TGFB3: variants seen among roughly 807,000 people sequenced by gnomAD.
TGFB3 encodes the protein transforming growth factor beta 3.
A neutral mutation model predicts 40.1 loss-of-function variants in TGFB3; 5 were observed. That is an observed-to-expected ratio of 0.12 (90% CI 0.07 to 0.26). The LOEUF is 0.26. TGFB3 is among the 10% of genes least tolerant of loss of function. The pLI is 1.00. For missense variants in TGFB3, 373 were observed against 530.1 expected, an observed-to-expected ratio of 0.70 and a Z score of 2.91; for synonymous variants, 184 against 205.6, an observed-to-expected ratio of 0.89 and a Z score of 0.90.
At chr14:75,965,824 G>A (rs2035214881) in intron 3 of TGFB3, 129 bp from the exon 4 acceptor site, 2 of 794,026 alleles carry the variant, frequency 2.5e-6, no homozygotes, top group South Asian at 2.8e-5. Context: ...TTCTATTGAG[G>A]GTCACAGGAG....
At chr14:75,965,534 C>A in intron 4 of TGFB3, 54 bp downstream of exon 4, 1 of 1,447,442 alleles carries the variant, frequency 6.9e-7, no homozygotes, top group South Asian at 1.1e-5. Flanking sequence ...ACTATCCTGT[C>A]CCATTAACTT....
In TGFB3 at chr14:75,971,763, G is replaced by A; in HGVS notation, c.353-45C>T. On this transcript the variant is annotated intron_variant, in intron 1 of 6. Transcript: ENST00000238682. The surrounding 1 kb of genome is among the most constrained non-coding windows in gnomAD (Gnocchi z 4.5). The stretch of plus-strand genomic sequence containing the variant: ...AGAGGGCACAGCATGAGCGAGACAT[G>A]CAGGAACAGTGTGCTGCCAACGGAC... 1.2e-6 allele frequency: 2 copies of A among 1,608,430 alleles called. No individual in the cohort carries two copies. The highest frequency in any genetic ancestry group is 1.7e-6 in the Non-Finnish European group (2 of 1,176,412).
Position 75,980,338 on chromosome 14 carries a change from C to T in TGFB3, c.352+204G>A, listed in dbSNP as rs1045517153. ...TCCAGGGCTCCTGGCCTCCCAGAAG[C>T]GCCGGCTCTTAACAGAATGGCTCTA... On this transcript the variant is annotated intron_variant, in intron 1 of 6. Transcript: ENST00000238682. The surrounding 1 kb of genome is among the most constrained non-coding windows in gnomAD (Gnocchi z 4.3). 3.3e-5 allele frequency among the ~76,000 whole-genome samples: 5 copies of T among 152,218 alleles called. No individual in the cohort carries two copies. Among genetic ancestry groups the T allele is most frequent in the African/African-American group, 4.8e-5 (2 of 41,462 alleles).
rs1476297797 is a variant in TGFB3, at chr14:75,971,992, C to T, written c.353-274G>A. Reference sequence around the variant, plus strand: ...TTGCCCCCTCCTCCCACTGCCTTGACATCTCAGTTCTGGTAAGTTTTCCAA... The same window carrying T: ...TTGCCCCCTCCTCCCACTGCCTTGATATCTCAGTTCTGGTAAGTTTTCCAA... On this transcript the variant is annotated intron_variant, in intron 1 of 6. Coordinates refer to ENST00000238682, the MANE Select transcript of TGFB3 (RefSeq NM_003239.5). This position sits in a 1 kb window ranked among gnomAD's most constrained non-coding sequence, Gnocchi z 4.5. Among the ~76,000 whole-genome samples the T allele has an allele frequency of 1.3e-5, 2 of 152,226 alleles. No homozygotes were observed. The highest frequency in any genetic ancestry group is 1.5e-5 in the Non-Finnish European group (1 of 68,034).
chr14:75,977,435 A>G (rs150059235), intron 1 of TGFB3, among the ~76,000 whole-genome samples: 7 of 152,296 alleles, frequency 4.6e-5, no homozygotes, highest in African/African-American at 1.7e-4. Flanking sequence ...ATACTCCCCA[A>G]TAGAGGCTCT....
intron 3 of TGFB3, among the ~76,000 whole-genome samples, chr14:75,967,228 A>T (rs2140241606): frequency 6.6e-6 from 1 of 152,250 alleles, no homozygotes; most frequent in Non-Finnish European, 1.5e-5. Flanking sequence ...TTCTTCCATA[A>T]ACTCCAGAGC....
At chr14:75,969,500 AAAATAAGAAAAGCTT>A (rs2035261356) in intron 3 of TGFB3, among the ~76,000 whole-genome samples, 1 of 152,248 alleles carries the variant, frequency 6.6e-6, no homozygotes, top group African/African-American at 2.4e-5. Flanking sequence ...TTCCTTATCT[AAAATAAGAAAAGCTT>A]ACTCTTGTAA....
At position 75,959,084 on chromosome 14, in the gene TGFB3, G is replaced by T; in HGVS notation, c.*103C>A. ...ATTTGCCCGGAGCCGAAGGTTGTGG[G>T]CTCCAGGCCTCTCAGTGAGGTTTGT... On this transcript the variant is annotated 3_prime_UTR_variant, in exon 7 of 7. Transcript: ENST00000238682. 6.8e-7 allele frequency: 1 copy of T among 1,476,524 alleles called. No individual in the cohort carries two copies. The highest frequency in any genetic ancestry group is 9.5e-7 in the Non-Finnish European group (1 of 1,057,544). 91.5% of individuals were successfully genotyped at this position (1,476,524 alleles called of 1,614,324 possible).
intron 5 of TGFB3, 181 bp downstream of exon 5, chr14:75,963,135 G>T: frequency 1.3e-6 from 1 of 754,028 alleles, no homozygotes; most frequent in Non-Finnish European, 2.3e-6. Flanking sequence ...GGACTCCCAG[G>T]AAAACAGAAA....
chr14:75,971,804 A>C lies in TGFB3; in HGVS notation c.353-86T>G. Reference sequence around the variant, plus strand: ...GCCAACGGACAGGCACCAAGTGGCCACCGTCCCGCCTGCCACCTCCCTAGA... The same window carrying C: ...GCCAACGGACAGGCACCAAGTGGCCCCCGTCCCGCCTGCCACCTCCCTAGA... On this transcript the variant is annotated intron_variant, in intron 1 of 6. Transcript: ENST00000238682. The surrounding 1 kb of genome is among the most constrained non-coding windows in gnomAD (Gnocchi z 4.5). 6.6e-7 allele frequency: 1 copy of C among 1,508,124 alleles called. No homozygotes were observed. Among genetic ancestry groups the C allele is most frequent in the Non-Finnish European group, 9.1e-7 (1 of 1,097,970 alleles). The allele number at this position is 1,508,124 out of a possible 1,614,324, so 93.4% of individuals were successfully genotyped here. A position where few individuals can be genotyped will look rare whatever the true frequency, so the allele number is the denominator to read the frequency against.
chr14:75,975,550 ATTAC>A (rs2035344180), intron 1 of TGFB3, among the ~76,000 whole-genome samples: 1 of 152,208 alleles, frequency 6.6e-6, no homozygotes, highest in South Asian at 2.1e-4. Flanking sequence ...TCGAGTTTTT[ATTAC>A]TTCATGTGAC....
intron 1 of TGFB3, among the ~76,000 whole-genome samples, chr14:75,975,241 A>C (rs2035339928): frequency 6.9e-6 from 1 of 144,750 alleles, no homozygotes; most frequent in Admixed American, 6.8e-5. Flanking sequence ...GGTGGTGGGC[A>C]CCTGTAACCC....
chr14:75,965,210 G>A (rs4252339), intron 4 of TGFB3, among the ~76,000 whole-genome samples: 23 of 152,304 alleles, frequency 1.5e-4, no homozygotes, highest in African/African-American at 5.5e-4. Context: ...GGAGGAGGAA[G>A]ACAAGTCCTA....
chr14:75,980,452 G>A lies in TGFB3; in HGVS notation c.352+90C>T. 3 of 1,333,008 alleles carry A rather than the reference G, an allele frequency of 2.3e-6. No homozygotes were observed. Among genetic ancestry groups the A allele is most frequent in the East Asian group, 2.3e-5 (1 of 43,552 alleles). The allele number at this position is 1,333,008 out of a possible 1,614,324, so 82.6% of individuals were successfully genotyped here. On this transcript the variant is annotated intron_variant, in intron 1 of 6. Coordinates refer to ENST00000238682, the MANE Select transcript of TGFB3 (RefSeq NM_003239.5). The surrounding 1 kb of genome is among the most constrained non-coding windows in gnomAD (Gnocchi z 4.3). ...CTGGTGAATCCTGGGGCACCCTGCT[G>A]TGTGGCCAGCACTAGGCCCCCCTCT...
chr14:75,972,025 T>C (rs2035300532), intron 1 of TGFB3, among the ~76,000 whole-genome samples: 1 of 152,262 alleles, frequency 6.6e-6, no homozygotes, highest in Admixed American at 6.5e-5. Flanking sequence ...CAACCCGTTT[T>C]TCCTACTTTT....
At chr14:75,964,139 G>C (rs1173854079) in intron 4 of TGFB3, among the ~76,000 whole-genome samples, 3 of 152,164 alleles carry the variant, frequency 2.0e-5, no homozygotes, top group African/African-American at 7.2e-5. Context: ...GCCTCCCAGA[G>C]TGCTAAGATT....
At chr14:75,976,352 G>A (rs545817870) in intron 1 of TGFB3, among the ~76,000 whole-genome samples, 10 of 152,206 alleles carry the variant, frequency 6.6e-5, no homozygotes, top group South Asian at 6.2e-4. Flanking sequence ...TGATTCTAAC[G>A]TGCAGCCAGG....
At chr14:75,964,454 C>T (rs2035196930) in intron 4 of TGFB3, among the ~76,000 whole-genome samples, 1 of 152,096 alleles carries the variant, frequency 6.6e-6, no homozygotes, top group Admixed American at 6.5e-5. Context: ...AATTCATCAA[C>T]CCGTTTCATC....
Position 75,971,578 on chromosome 14 carries a change from C to T in TGFB3, c.493G>A (p.Glu165Lys), listed in dbSNP as rs2035292947. ...ACCTGGAAGAGCTCGATCCTCTGCT[C>T]ATTCCGCTTAGAGCTGGGGTTGGGC... ...RVPNPSSKRN[E>K]QRIELFQILR... is the part of the protein sequence containing the mutation. Residue 165 changes from glutamate to lysine, a missense_variant, in exon 2 of 7, where the codon GAG (glutamate) becomes AAG (lysine). Transcript: ENST00000238682. This position sits in a 1 kb window ranked among gnomAD's most constrained non-coding sequence, Gnocchi z 4.5. 6.2e-7 allele frequency: 1 copy of T among 1,614,186 alleles called. No individual in the cohort carries two copies. The highest frequency in any genetic ancestry group is 1.1e-5 in the South Asian group (1 of 91,066).
Sources: gnomAD v4.1 joint callset for allele counts (sites outside exome capture counted in the v4.1 genomes callset) on GRCh38, gnomAD v4.1.1 for gene constraint, Gnocchi (gnomAD v3.1) non-coding constraint, MANE v1.5 for transcripts, NCBI Gene and HGNC (gene_info 2026-07-23, HGNC 2026-07-21) for gene names.